Variants in EPHA3 observed in about 807,000 individuals in gnomAD.
The protein encoded by EPHA3 is ephrin type-A receptor 3.
In EPHA3, 42 loss-of-function variants were observed where a neutral mutation model predicts 107.1. The observed-to-expected ratio is 0.39, with a 90% CI of 0.31 to 0.51. The LOEUF (loss-of-function observed/expected upper bound fraction) is 0.51, where lower values mean the gene tolerates loss of function less well. Ranked by LOEUF, EPHA3 falls within the 20% of genes least tolerant of loss-of-function variation. The pLI, the probability that EPHA3 is intolerant of heterozygous loss-of-function variation, is 0.78. For missense variants in EPHA3, 1,183 were observed against 1,211.2 expected, an observed-to-expected ratio of 0.98 and a Z score of 0.35; for synonymous variants, 461 against 424.8, an observed-to-expected ratio of 1.09 and a Z score of -1.05.
At chr3:89,201,459 T>A (rs1423567888) in intron 2 of EPHA3, among the ~76,000 whole-genome samples, 1 of 152,170 alleles carries the variant, frequency 6.6e-6, no homozygotes, top group Non-Finnish European at 1.5e-5. Flanking sequence ...TACAAATACA[T>A]GGCATTAAAT....
intron 3 of EPHA3, among the ~76,000 whole-genome samples, chr3:89,224,824 G>C (rs9809046): frequency 0.49 from 74,795 of 151,396 alleles, 19,609 homozygotes; most frequent in East Asian, 0.69. Flanking sequence ...ACTCCAGCCT[G>C]GTCAACAGAG....
At chr3:89,113,903 A>C (rs1707185940) in intron 1 of EPHA3, among the ~76,000 whole-genome samples, 1 of 152,174 alleles carries the variant, frequency 6.6e-6, no homozygotes, top group Non-Finnish European at 1.5e-5. Flanking sequence ...GGGTGGACAG[A>C]ATCAAAATCA....
intron 3 of EPHA3, among the ~76,000 whole-genome samples, chr3:89,324,846 C>G (rs1707130298): frequency 6.6e-6 from 1 of 152,100 alleles, no homozygotes; most frequent in South Asian, 2.1e-4. Context: ...TAAACCCTTA[C>G]CCACCTCCCT....
At chr3:89,292,712 T>C (rs1405466636) in intron 3 of EPHA3, among the ~76,000 whole-genome samples, 2 of 152,148 alleles carry the variant, frequency 1.3e-5, no homozygotes, top group African/African-American at 4.8e-5. Flanking sequence ...AATATTTCAT[T>C]TATTCGTTTA....
At chr3:89,355,031 C>A (rs556192163) in intron 5 of EPHA3, among the ~76,000 whole-genome samples, 1 of 151,022 alleles carries the variant, frequency 6.6e-6, no homozygotes, top group Non-Finnish European at 1.5e-5. Flanking sequence ...TTCAAAAGCA[C>A]CCTCTTGACA....
intron 2 of EPHA3, among the ~76,000 whole-genome samples, chr3:89,144,095 G>A (rs1202133728): frequency 4.0e-5 from 6 of 151,556 alleles, no homozygotes; most frequent in Non-Finnish European, 7.4e-5. Context: ...ACTTAAGTAC[G>A]TAGTCTGCAT....
At chr3:89,295,153 G>T (rs1706315256) in intron 3 of EPHA3, among the ~76,000 whole-genome samples, 1 of 129,980 alleles carries the variant, frequency 7.7e-6, no homozygotes, top group Admixed American at 7.3e-5. Context: ...CAAATGTTTT[G>T]CTCTCCCAGT....
chr3:89,276,754 T>C (rs1705816213), intron 3 of EPHA3, among the ~76,000 whole-genome samples: 1 of 152,060 alleles, frequency 6.6e-6, no homozygotes, highest in Admixed American at 6.6e-5. Context: ...AAGTCTAGGT[T>C]CCCATAGAAG....
chr3:89,202,377 A>G (rs1469013898), intron 2 of EPHA3, among the ~76,000 whole-genome samples: 2 of 151,382 alleles, frequency 1.3e-5, no homozygotes, highest in African/African-American at 2.4e-5. Context: ...GTAGCTGGGC[A>G]TGGCGGTGCA....
intron 5 of EPHA3, among the ~76,000 whole-genome samples, chr3:89,390,600 CAAAA>C (rs34753229): frequency 8.8e-6 from 1 of 114,166 alleles, no homozygotes; most frequent in Non-Finnish European, 1.7e-5. Flanking sequence ...ACTCCGTTTC[CAAAA>C]AAAAAAAAAA....
intron 3 of EPHA3, among the ~76,000 whole-genome samples, chr3:89,292,998 C>CA (rs1166050276): frequency 6.6e-6 from 1 of 152,094 alleles, no homozygotes; most frequent in Non-Finnish European, 1.5e-5. Context: ...ATATCTTCAC[C>CA]ACCCCTTTGT....
At chr3:89,259,634 T>C (rs1419789255) in intron 3 of EPHA3, among the ~76,000 whole-genome samples, 1 of 152,226 alleles carries the variant, frequency 6.6e-6, no homozygotes, top group African/African-American at 2.4e-5. Context: ...GTTGCTCTAC[T>C]GAAGCAGATT....
At chr3:89,399,870 C>A (rs1708923882) in intron 7 of EPHA3, 12 of 1,074,026 alleles carry the variant, frequency 1.1e-5, no homozygotes, top group Non-Finnish European at 1.4e-5. Flanking sequence ...CCATGAGAAT[C>A]TTAATTTTGT....
chr3:89,221,194 T>C (rs1476508618), intron 3 of EPHA3, among the ~76,000 whole-genome samples: 1 of 152,202 alleles, frequency 6.6e-6, no homozygotes, highest in Admixed American at 6.5e-5. Context: ...GCAGAGTATG[T>C]TTACTGTAAG....
At chr3:89,459,423 T>G (rs1319054862) in intron 15 of EPHA3, among the ~76,000 whole-genome samples, 1 of 151,712 alleles carries the variant, frequency 6.6e-6, no homozygotes, top group African/African-American at 2.4e-5. Flanking sequence ...CTCTTTTTCT[T>G]ACTCTTTCTT....
intron 7 of EPHA3, chr3:89,399,813 A>T: frequency 9.0e-7 from 1 of 1,106,472 alleles, no homozygotes; most frequent in Non-Finnish European, 1.1e-6. Flanking sequence ...CAGATATTCC[A>T]GGTTCATTGC....
At chr3:89,379,369 G>C (rs569108271) in intron 5 of EPHA3, among the ~76,000 whole-genome samples, 1 of 152,264 alleles carries the variant, frequency 6.6e-6, no homozygotes, top group Non-Finnish European at 1.5e-5. Context: ...CACTTTGTTT[G>C]TATAAATATG....
At chr3:89,381,602 G>A (rs1188558427) in intron 5 of EPHA3, among the ~76,000 whole-genome samples, 3 of 151,956 alleles carry the variant, frequency 2.0e-5, no homozygotes, top group African/African-American at 7.2e-5. Flanking sequence ...CTGGGAGGCA[G>A]AGGTTGCAAT....
chr3:89,344,059 G>A (rs184664993), intron 5 of EPHA3, among the ~76,000 whole-genome samples: 174 of 152,174 alleles, frequency 1.1e-3, no homozygotes, highest in African/African-American at 4.0e-3. Flanking sequence ...TTTCCGGAGC[G>A]CTATATTTCA....
Sources: gnomAD v4.1 joint callset for allele counts (sites outside exome capture counted in the v4.1 genomes callset) on GRCh38, gnomAD v4.1.1 for gene constraint, MANE v1.5 for transcripts, NCBI Gene and HGNC (gene_info 2026-07-23, HGNC 2026-07-21) for gene names.